Variants in GNB5 observed in about 807,000 individuals in gnomAD.
The protein encoded by GNB5 is G protein subunit beta 5.
Under a neutral mutation model 55.3 loss-of-function variants are expected in GNB5, and 37 were observed. That is an observed-to-expected ratio of 0.67 (90% CI 0.51 to 0.88). GNB5 has a LOEUF of 0.88. Ranked by LOEUF, GNB5 falls within the 40% of genes least tolerant of loss-of-function variation. The pLI is 0.00. For missense variants in GNB5, 476 were observed against 515.3 expected (o/e 0.92, Z 0.74); for synonymous variants, 219 against 198.5 (o/e 1.10, Z -0.87).
At chr15:52,171,087 T>TA (rs1268024189) in intron 3 of GNB5, among the ~76,000 whole-genome samples, 1 of 119,308 alleles carries the variant, frequency 8.4e-6, no homozygotes, top group East Asian at 2.3e-4. Flanking sequence ...AGTGAGACTC[T>TA]ATCTCCAAAA....
At position 52,136,161 on chromosome 15, in the gene GNB5, CACACACACACA is replaced by C. The variant is rs1355499639; in HGVS notation, c.628-416_628-406del. 4.8e-3 allele frequency among the ~76,000 whole-genome samples: 621 copies of C among 130,494 alleles called. 12 individuals carry two copies. The highest frequency in any genetic ancestry group is 6.4e-3 in the Non-Finnish European group (388 of 60,552). 85.6% of individuals were successfully genotyped at this position (130,494 alleles called of 152,430 possible). ...ACACACACACACACACACACACACA[CACACACACACA>C]CCCTACCTGCTGTATCTGGGTTCAT... On this transcript the variant is annotated intron_variant, in intron 7 of 12. Transcript: ENST00000261837.
intron 4 of GNB5, among the ~76,000 whole-genome samples, chr15:52,152,082 T>TA (rs968892915): frequency 4.7e-5 from 7 of 150,440 alleles, no homozygotes; most frequent in Admixed American, 6.7e-5. Flanking sequence ...ATTTTGATCT[T>TA]AAAAAAAAAG....
intron 11 of GNB5, chr15:52,124,962 T>C (rs993062918): frequency 1.1e-5 from 2 of 185,836 alleles, no homozygotes; most frequent in Non-Finnish European, 2.2e-5. Flanking sequence ...TTTTTAGTCA[T>C]TTGCTAGTTA....
intron 2 of GNB5, among the ~76,000 whole-genome samples, chr15:52,182,847 T>G (rs188299160): frequency 2.0e-5 from 3 of 152,196 alleles, no homozygotes; most frequent in Non-Finnish European, 4.4e-5. Context: ...AGAATTGTTA[T>G]GAGAATTAAG....
intron 2 of GNB5, among the ~76,000 whole-genome samples, chr15:52,183,530 C>T (rs1232701096): frequency 1.3e-5 from 2 of 152,188 alleles, no homozygotes; most frequent in Admixed American, 1.3e-4. Context: ...GGGCTGTTTA[C>T]TTGCTATTTG....
At chr15:52,164,743 C>T (rs1006024340) in intron 3 of GNB5, among the ~76,000 whole-genome samples, 1 of 151,994 alleles carries the variant, frequency 6.6e-6, no homozygotes, top group South Asian at 2.1e-4. Flanking sequence ...TAGATAAGCC[C>T]ACCAAGATGA....
chr15:52,147,885 A>G (rs2034010737), intron 5 of GNB5, among the ~76,000 whole-genome samples: 1 of 152,218 alleles, frequency 6.6e-6, no homozygotes, highest in African/African-American at 2.4e-5. Flanking sequence ...GCCCAGCCAC[A>G]AAAATCTTAA....
chr15:52,176,194 C>G (rs1445802935), intron 3 of GNB5, among the ~76,000 whole-genome samples: 3 of 152,218 alleles, frequency 2.0e-5, no homozygotes, highest in Admixed American at 6.5e-5. Flanking sequence ...CCTCCCCAGC[C>G]TCACCAGACC....
chr15:52,124,739 C>T lies in GNB5; in HGVS notation c.1010-100G>A, dbSNP rs8040498. On this transcript the variant is annotated intron_variant, in intron 11 of 12. Coordinates refer to ENST00000261837, the MANE Select transcript of GNB5 (RefSeq NM_016194.4). ...CTCATTCAGTAAGCAGTGATTCAGG[C>T]GCACTGAGTCCTAGGCACTGTGCTT... 19,861 of 993,838 alleles carry T rather than the reference C, an allele frequency of 0.02. 2,605 individuals are homozygous for T. In the African/African-American group the frequency reaches 0.28, roughly 14 times the overall value. 61.6% of individuals were successfully genotyped at this position (993,838 alleles called of 1,614,324 possible).
At chr15:52,167,879 TA>T (rs890827586) in intron 3 of GNB5, among the ~76,000 whole-genome samples, 2 of 151,304 alleles carry the variant, frequency 1.3e-5, no homozygotes, top group South Asian at 2.1e-4. Context: ...ATTCATCATA[TA>T]AAAAAAACTA....
rs534006074 is a variant in GNB5 at position 52,180,019 on chromosome 15, G to A, written c.127-140C>T. On this transcript the variant is annotated intron_variant, in intron 2 of 12. Coordinates refer to ENST00000261837, the MANE Select transcript of GNB5 (RefSeq NM_016194.4). Reference sequence around the variant, plus strand: ...TCCGCGATGACGCCAGCAGCTGCGGGCCCGGCTGCTGCGCCTGAGCCCCAA... The same window carrying A: ...TCCGCGATGACGCCAGCAGCTGCGGACCCGGCTGCTGCGCCTGAGCCCCAA... 4,314 of 1,116,626 alleles carry A rather than the reference G, an allele frequency of 3.9e-3. 12 individuals are homozygous for A. Among genetic ancestry groups the A allele is most frequent in the Non-Finnish European group, 4.1e-3 (3,632 of 885,166 alleles). The allele number at this position is 1,116,626 out of a possible 1,614,324, so 69.2% of individuals were successfully genotyped here. A position where few individuals can be genotyped will look rare whatever the true frequency, so the allele number is the denominator to read the frequency against.
rs907541711 is a variant in GNB5, at chr15:52,154,791, T to C, written c.239-715A>G. The stretch of plus-strand genomic sequence containing the variant: ...CCTGTGAGTTTACTGAAAAACCTAG[T>C]GTCCACAGAAATCAATGCAATGTCC... On this transcript the variant is annotated intron_variant, in intron 3 of 12. Transcript: ENST00000261837. Among the ~76,000 whole-genome samples, 10 of 152,294 alleles carry C rather than the reference T, an allele frequency of 6.6e-5. No individual in the cohort carries two copies. The South Asian group carries it at 8.3e-4, about 13-fold the overall frequency.
intron 3 of GNB5, among the ~76,000 whole-genome samples, chr15:52,170,081 G>A (rs1023550814): frequency 2.6e-5 from 4 of 152,122 alleles, no homozygotes; most frequent in South Asian, 2.1e-4. Flanking sequence ...GTGAGGTTGC[G>A]GAGAAAAAGG....
At chr15:52,189,418 T>G (rs1451813543) in intron 1 of GNB5, among the ~76,000 whole-genome samples, 1 of 151,804 alleles carries the variant, frequency 6.6e-6, no homozygotes, top group Non-Finnish European at 1.5e-5. Context: ...ACCCCATATC[T>G]ACTATACAAA....
At chr15:52,133,626 T>C (rs1356391762) in intron 8 of GNB5, among the ~76,000 whole-genome samples, 157 bp from the exon 9 acceptor site, 1 of 152,220 alleles carries the variant, frequency 6.6e-6, no homozygotes, top group Non-Finnish European at 1.5e-5. Context: ...GCACTTTCCT[T>C]AGTCAGAAAG....
rs1024364779 is a variant in GNB5, at chr15:52,180,014, T to C, written c.127-135A>G. The C allele has an allele frequency of 4.3e-4, 497 of 1,152,156 alleles. 1 individual carries two copies. Among genetic ancestry groups the C allele is most frequent in the Non-Finnish European group, 5.2e-4 (479 of 915,000 alleles). 71.4% of individuals were successfully genotyped at this position (1,152,156 alleles called of 1,614,324 possible). On this transcript the variant is annotated intron_variant, in intron 2 of 12. Transcript: ENST00000261837. ...CGCCCTCCGCGATGACGCCAGCAGC[T>C]GCGGGCCCGGCTGCTGCGCCTGAGC...
chr15:52,158,512 C>T (rs1316055821), intron 3 of GNB5, among the ~76,000 whole-genome samples: 1 of 152,104 alleles, frequency 6.6e-6, no homozygotes, highest in Non-Finnish European at 1.5e-5. Context: ...CTGTACCTCT[C>T]CCTATCCCTA....
chr15:52,174,458 G>A lies in GNB5; in HGVS notation c.238+5310C>T, dbSNP rs187831599. ...GGGAGAAGCAGGAAGCTCTGTGGGAGGAAGGGGAAAATGGGGCTTGGGGCT... is the reference window on the plus strand; with the variant it reads ...GGGAGAAGCAGGAAGCTCTGTGGGAAGAAGGGGAAAATGGGGCTTGGGGCT... On this transcript the variant is annotated intron_variant, in intron 3 of 12. Transcript: ENST00000261837. Among the ~76,000 whole-genome samples the A allele has an allele frequency of 9.2e-5, 14 of 152,266 alleles. No individual in the cohort carries two copies. The East Asian group carries it at 2.1e-3, about 23-fold the overall frequency.
intron 9 of GNB5, among the ~76,000 whole-genome samples, chr15:52,129,666 T>G (rs2141187198): frequency 6.6e-6 from 1 of 152,304 alleles, no homozygotes. Context: ...TGTATTATCT[T>G]CCAGGTAATA....
Sources: allele counts gnomAD v4.1 joint callset (sites outside exome capture counted in the v4.1 genomes callset), GRCh38; gene constraint gnomAD v4.1.1; transcripts MANE v1.5; gene names NCBI Gene and HGNC (gene_info 2026-07-23, HGNC 2026-07-21).